The following INPP4A variants were observed in gnomAD, a reference collection of about 807,000 sequenced individuals.
The protein encoded by INPP4A is inositol polyphosphate-4-phosphatase type I A.
In INPP4A, 33 loss-of-function variants were observed where a neutral mutation model predicts 119.8. That is an observed-to-expected ratio of 0.28 (90% CI 0.21 to 0.37). INPP4A has a LOEUF of 0.37. Among genes scored for constraint, INPP4A ranks in the 10% least tolerant of loss-of-function variants. The probability of loss-of-function intolerance (pLI) is 1.00; values close to 1 mark genes in which losing one functional copy is unlikely to be tolerated. For missense variants in INPP4A, 956 were observed against 1,289.9 expected, an observed-to-expected ratio of 0.74 and a Z score of 3.97; for synonymous variants, 496 against 500.7, an observed-to-expected ratio of 0.99 and a Z score of 0.12.
In INPP4A at chr2:98,554,273, A is replaced by C; in HGVS notation, c.1350A>C (p.Thr450=). The C allele has an allele frequency of 6.2e-7, 1 of 1,600,240 alleles. No individual in the cohort carries two copies. Among genetic ancestry groups the C allele is most frequent in the South Asian group, 1.1e-5 (1 of 88,620 alleles). Reference sequence around the variant, plus strand: ...CCTTGGTTTGTGTGCACCTGCAGACACGGCAGCTGGTCACGGTCTGCGACT... The same window carrying C: ...CCTTGGTTTGTGTGCACCTGCAGACCCGGCAGCTGGTCACGGTCTGCGACT... ...ERTLAILADK[T]RQLVTVCDCK... is the part of the protein sequence containing the mutation. Residue 450 remains threonine, a splice_region_variant and synonymous_variant, in exon 15 of 25, where the codon ACA becomes ACC. Coordinates refer to ENST00000409851, the MANE Select transcript of INPP4A (RefSeq NM_001134225.2). The surrounding 1 kb of genome is among the most constrained non-coding windows in gnomAD (Gnocchi z 4.7).
chr2:98,451,355 G>T (rs1233648111), intron 1 of INPP4A, among the ~76,000 whole-genome samples: 1 of 152,120 alleles, frequency 6.6e-6, no homozygotes, highest in East Asian at 1.9e-4. Flanking sequence ...TGGGGGCAGT[G>T]GGGGGATCAT....
At chr2:98,571,456 G>A (rs1697425898) in intron 22 of INPP4A, among the ~76,000 whole-genome samples, 1 of 152,268 alleles carries the variant, frequency 6.6e-6, no homozygotes, top group African/African-American at 2.4e-5. Context: ...AGCGGCTGCA[G>A]TAAGTAGGAA....
intron 8 of INPP4A, 92 bp downstream of exon 8, chr2:98,538,066 A>G (rs1482130540): frequency 2.4e-6 from 2 of 820,032 alleles, no homozygotes; most frequent in Non-Finnish European, 4.0e-6. Context: ...CTCTGTGCTC[A>G]GCAAAGGGCA....
chr2:98,475,501 A>G (rs1677025197), intron 1 of INPP4A, among the ~76,000 whole-genome samples: 1 of 152,228 alleles, frequency 6.6e-6, no homozygotes, highest in African/African-American at 2.4e-5. Flanking sequence ...CCTTGGAGGA[A>G]AGCAAAACTA....
At chr2:98,497,666 T>C (rs1484907938) in intron 1 of INPP4A, among the ~76,000 whole-genome samples, 1 of 148,886 alleles carries the variant, frequency 6.7e-6, no homozygotes, top group Non-Finnish European at 1.5e-5. Flanking sequence ...GTCTAATATG[T>C]AGTTTGCAAA....
chr2:98,506,055 T>G (rs565871430), intron 1 of INPP4A, among the ~76,000 whole-genome samples: 1 of 152,362 alleles, frequency 6.6e-6, no homozygotes, highest in East Asian at 1.9e-4. Flanking sequence ...CATCCTAAAG[T>G]TCTGCCTTTT....
At chr2:98,528,681 G>A (rs1159833719) in intron 4 of INPP4A, among the ~76,000 whole-genome samples, 1 of 152,188 alleles carries the variant, frequency 6.6e-6, no homozygotes, top group Non-Finnish European at 1.5e-5. Context: ...ATGTATAAGG[G>A]ATCATCAATA....
At chr2:98,446,044 G>T (rs1574421940) in intron 1 of INPP4A, among the ~76,000 whole-genome samples, 1 of 152,364 alleles carries the variant, frequency 6.6e-6, no homozygotes, top group East Asian at 1.9e-4. Context: ...GTTCACAGTG[G>T]GTTGTGTGGA....
Position 98,563,511 on chromosome 2 carries a change from C to A in INPP4A, c.1902C>A (p.Asp634Glu). ...ACCCGCTGCTGACCACTCTCACCGA[C>A]TGCGTGGCCATGATGAGTGACAAGG... ...ALYPLLTTLT[D>E]CVAMMSDKAK... The change falls in exon 18 of 25, where the codon GAC becomes GAA. Residue 634 changes from aspartate to glutamate, a missense_variant. Physicochemically the swap from Asp to Glu is conservative, Grantham distance 45 (BLOSUM62 2). Around this residue, in one of 2 missense-constraint regions of INPP4A, gnomAD observed 304 missense variants for 492.1 expected, o/e 0.62. Transcript: ENST00000409851. 6.2e-7 allele frequency: 1 copy of A among 1,613,840 alleles called. No individual in the cohort carries two copies. Among genetic ancestry groups the A allele is most frequent in the Non-Finnish European group, 8.5e-7 (1 of 1,179,818 alleles).
chr2:98,512,716 A>G (rs1685361960), intron 1 of INPP4A, among the ~76,000 whole-genome samples: 1 of 152,232 alleles, frequency 6.6e-6, no homozygotes. Flanking sequence ...CACTACTGTT[A>G]GAATGACAAT....
At chr2:98,537,597 A>G (rs1027968956) in intron 7 of INPP4A, among the ~76,000 whole-genome samples, 1 of 152,140 alleles carries the variant, frequency 6.6e-6, no homozygotes, top group African/African-American at 2.4e-5. Context: ...CTCCTCAGGG[A>G]GGCCCCCTCT....
intron 1 of INPP4A, among the ~76,000 whole-genome samples, chr2:98,504,688 T>G (rs1683717553): frequency 6.6e-6 from 1 of 152,262 alleles, no homozygotes; most frequent in Non-Finnish European, 1.5e-5. Context: ...CAGAAAATTT[T>G]TTATTTTCTC....
chr2:98,574,800 C>G (rs1254119359), intron 23 of INPP4A, among the ~76,000 whole-genome samples: 1 of 152,178 alleles, frequency 6.6e-6, no homozygotes, highest in Non-Finnish European at 1.5e-5. Flanking sequence ...AACTGTGGTT[C>G]TACCTGTCTA....
chr2:98,524,489 C>T (rs547136727), intron 4 of INPP4A, among the ~76,000 whole-genome samples: 106 of 152,226 alleles, frequency 7.0e-4, no homozygotes, highest in African/African-American at 2.3e-3. Flanking sequence ...GTCCCTTGTA[C>T]GAAGGCATGT....
intron 1 of INPP4A, among the ~76,000 whole-genome samples, chr2:98,488,642 A>G (rs1334363751): frequency 6.6e-6 from 1 of 152,256 alleles, no homozygotes; most frequent in African/African-American, 2.4e-5. Context: ...TGAGTCCTGT[A>G]GTGGCTCTAG....
rs376965673 is a variant in INPP4A, at chr2:98,588,923, A to G, written c.*1315A>G. 5 of 196,714 alleles carry G rather than the reference A, an allele frequency of 2.5e-5. No individual in the cohort carries two copies. Among genetic ancestry groups the G allele is most frequent in the East Asian group, 2.4e-4 (3 of 12,356 alleles). 12.2% of individuals were successfully genotyped at this position (196,714 alleles called of 1,614,324 possible). A position where few individuals can be genotyped will look rare whatever the true frequency, so the allele number is the denominator to read the frequency against. ...GAACCTCTTAGAAATTCTTTTGTCT[A>G]AAAGCCTAGAGATTCTTCTGGTTCC... On this transcript the variant is annotated 3_prime_UTR_variant, in exon 25 of 25. Coordinates refer to ENST00000409851, the MANE Select transcript of INPP4A (RefSeq NM_001134225.2).
chr2:98,537,782 C>T, intron 7 of INPP4A, 81 bp from the exon 8 acceptor site: 1 of 1,071,250 alleles, frequency 9.3e-7, no homozygotes, highest in African/African-American at 1.6e-5. Flanking sequence ...CCTGATGACC[C>T]AGTACGGCTA....
At chr2:98,555,487 GGTTTGTGTTAT>G in intron 15 of INPP4A, 55 bp from the exon 16 acceptor site, 1 of 1,520,562 alleles carries the variant, frequency 6.6e-7, no homozygotes, top group Non-Finnish European at 8.9e-7. Flanking sequence ...AGGGCGATTT[GGTTTGTGTTAT>G]GTTTGTGTTT....
chr2:98,543,598 C>T (rs1691933333), intron 10 of INPP4A, among the ~76,000 whole-genome samples: 1 of 152,170 alleles, frequency 6.6e-6, no homozygotes, highest in South Asian at 2.1e-4. Flanking sequence ...TCTTCTTCTC[C>T]CCACCTCCAC....
Sources: allele counts gnomAD v4.1 joint callset (sites outside exome capture counted in the v4.1 genomes callset), GRCh38; gene constraint gnomAD v4.1.1; regional missense constraint gnomAD v4.1.1; non-coding constraint Gnocchi (gnomAD v3.1); transcripts MANE v1.5; gene names NCBI Gene and HGNC (gene_info 2026-07-23, HGNC 2026-07-21).